Variants in SMYD3 observed in about 807,000 individuals in gnomAD.
SMYD3 encodes the protein SET and MYND domain containing 3, also known as histone-lysine N-methyltransferase SMYD3.
In SMYD3, 36 loss-of-function variants were observed where a neutral mutation model predicts 57.7. That is an observed-to-expected ratio of 0.62 (90% CI 0.48 to 0.82). The LOEUF is 0.82. Ranked by LOEUF, SMYD3 falls within the 40% of genes least tolerant of loss-of-function variation. SMYD3 has a pLI of 0.00. For synonymous variants in SMYD3, 211 were observed against 195.0 expected (o/e 1.08, Z -0.68); for missense variants, 515 against 538.8 (o/e 0.96, Z 0.44).
intron 8 of SMYD3, among the ~76,000 whole-genome samples, chr1:245,875,378 A>T (rs1366525770): frequency 6.6e-6 from 1 of 152,212 alleles, no homozygotes; most frequent in East Asian, 1.9e-4. Context: ...CACTCAGAAC[A>T]TGCTGGAAAT....
chr1:245,974,228 A>T (rs1465511217), intron 5 of SMYD3, among the ~76,000 whole-genome samples: 1 of 152,160 alleles, frequency 6.6e-6, no homozygotes, highest in African/African-American at 2.4e-5. Flanking sequence ...CATTTTTCAA[A>T]TTTAATATGA....
At chr1:246,224,460 A>G (rs1056197991) in intron 5 of SMYD3, among the ~76,000 whole-genome samples, 4 of 152,094 alleles carry the variant, frequency 2.6e-5, no homozygotes, top group African/African-American at 7.3e-5. Context: ...TCAGAGAGGA[A>G]ACCCAGGGGC....
intron 5 of SMYD3, among the ~76,000 whole-genome samples, chr1:246,146,420 G>A (rs2061843298): frequency 6.6e-6 from 1 of 152,208 alleles, no homozygotes; most frequent in African/African-American, 2.4e-5. Context: ...GCACATGTGA[G>A]TTAACGACAA....
intron 5 of SMYD3, among the ~76,000 whole-genome samples, chr1:246,283,314 G>C (rs1190471729): frequency 6.6e-6 from 1 of 152,110 alleles, no homozygotes; most frequent in Non-Finnish European, 1.5e-5. Context: ...ATTTTACCTG[G>C]AACCTATGTG....
intron 6 of SMYD3, among the ~76,000 whole-genome samples, chr1:245,928,629 G>A (rs1284564298): frequency 6.6e-6 from 1 of 151,802 alleles, no homozygotes; most frequent in Non-Finnish European, 1.5e-5. Flanking sequence ...AGCCGAGATC[G>A]CACCACTGCA....
chr1:246,012,745 C>A (rs2059306234), intron 5 of SMYD3, among the ~76,000 whole-genome samples: 1 of 152,176 alleles, frequency 6.6e-6, no homozygotes, highest in South Asian at 2.1e-4. Flanking sequence ...GGAAAATCGA[C>A]TCCATCACAT....
intron 5 of SMYD3, among the ~76,000 whole-genome samples, chr1:246,290,669 A>T (rs867870924): frequency 3.9e-5 from 6 of 152,214 alleles, no homozygotes; most frequent in South Asian, 2.1e-4. Flanking sequence ...AGGCAGAAGG[A>T]ATAAAAGCAC....
intron 5 of SMYD3, among the ~76,000 whole-genome samples, chr1:246,313,081 A>AT (rs146527911): frequency 0.013 from 1,979 of 151,974 alleles, 51 homozygotes; most frequent in African/African-American, 0.045. Flanking sequence ...CAATTTTTGT[A>AT]TTTTTTGTAG....
chr1:246,046,088 C>T (rs147506532), intron 5 of SMYD3, among the ~76,000 whole-genome samples: 4,725 of 152,222 alleles, frequency 0.031, 260 homozygotes, highest in African/African-American at 0.11. Flanking sequence ...GGATCTAGAA[C>T]TAGAAATACC....
intron 5 of SMYD3, among the ~76,000 whole-genome samples, chr1:246,137,984 T>C (rs1021960737): frequency 1.3e-5 from 2 of 152,142 alleles, no homozygotes; most frequent in Non-Finnish European, 2.9e-5. Flanking sequence ...TTGTATGTCA[T>C]CCCCCATTAC....
At chr1:246,041,552 G>A (rs2059873171) in intron 5 of SMYD3, among the ~76,000 whole-genome samples, 1 of 152,196 alleles carries the variant, frequency 6.6e-6, no homozygotes, top group African/African-American at 2.4e-5. Flanking sequence ...GTATCCCAGT[G>A]TTGCCAGGGC....
chr1:246,458,549 C>G (rs1160737544), intron 1 of SMYD3, among the ~76,000 whole-genome samples: 1 of 148,652 alleles, frequency 6.7e-6, no homozygotes, highest in African/African-American at 2.5e-5. Flanking sequence ...CAGGTTCACA[C>G]CATTCTCCTG....
chr1:245,995,378 G>T (rs2058906895), intron 5 of SMYD3, among the ~76,000 whole-genome samples: 1 of 152,212 alleles, frequency 6.6e-6, no homozygotes. Context: ...CAAGTATTTA[G>T]CCTAAGTCTG....
At chr1:246,241,260 C>T (rs1474795354) in intron 5 of SMYD3, among the ~76,000 whole-genome samples, 7 of 152,116 alleles carry the variant, frequency 4.6e-5, no homozygotes, top group South Asian at 4.2e-4. Flanking sequence ...TTTAGAGATA[C>T]GTCACATCAA....
At chr1:245,927,625 T>A in intron 7 of SMYD3, among the ~76,000 whole-genome samples, 1 of 152,162 alleles carries the variant, frequency 6.6e-6, no homozygotes, top group East Asian at 1.9e-4. Context: ...ATTTCATGAA[T>A]TCCCTGTGTG....
chr1:246,465,180 G>A (rs2067862878), intron 1 of SMYD3, among the ~76,000 whole-genome samples: 1 of 152,150 alleles, frequency 6.6e-6, no homozygotes, highest in South Asian at 2.1e-4. Flanking sequence ...CTTCAAGATG[G>A]TAATTAATAA....
intron 5 of SMYD3, among the ~76,000 whole-genome samples, chr1:246,261,870 A>G (rs1262693292): frequency 6.6e-6 from 1 of 152,230 alleles, no homozygotes; most frequent in African/African-American, 2.4e-5. Context: ...CTTGTCACTC[A>G]GCTTTATTTC....
In SMYD3 at chr1:245,976,952, TA is replaced by T. The variant is rs2058448966; in HGVS notation, c.532-47016del. ...CTAGCCTAGGGAAAGCCATCGTCTCTAGCCTAGGGAAAGCCATCGTCTCCGG... is the reference window on the plus strand; with the variant it reads ...CTAGCCTAGGGAAAGCCATCGTCTCTGCCTAGGGAAAGCCATCGTCTCCGG... On this transcript the variant is annotated intron_variant, in intron 5 of 11. Transcript: ENST00000490107. 9.2e-4 allele frequency among the ~76,000 whole-genome samples: 24 copies of T among 25,962 alleles called. 9 individuals are homozygous for T. The highest frequency in any genetic ancestry group is 7.9e-3 in the Admixed American group (23 of 2,924). The allele number at this position is 25,962 out of a possible 152,430, so 17.0% of individuals were successfully genotyped here. A position where few individuals can be genotyped will look rare whatever the true frequency, so the allele number is the denominator to read the frequency against.
Position 246,067,943 on chromosome 1 carries a change from G to A in SMYD3, c.532-138006C>T, listed in dbSNP as rs1022368031. Among the ~76,000 whole-genome samples, 5 of 152,176 alleles carry A rather than the reference G, an allele frequency of 3.3e-5. 1 individual carries two copies. The highest frequency in any genetic ancestry group is 6.5e-5 in the Admixed American group (1 of 15,280). Reference sequence around the variant, plus strand: ...ACTGAGTAGCTGCTGCAGGAAGGGGGACAAATGGTCCTCAGCAAGACCCTC... The same window carrying A: ...ACTGAGTAGCTGCTGCAGGAAGGGGAACAAATGGTCCTCAGCAAGACCCTC... On this transcript the variant is annotated intron_variant, in intron 5 of 11. Transcript: ENST00000490107.
Sources: gnomAD v4.1 joint callset for allele counts (sites outside exome capture counted in the v4.1 genomes callset) on GRCh38, gnomAD v4.1.1 for gene constraint, MANE v1.5 for transcripts, NCBI Gene and HGNC (gene_info 2026-07-23, HGNC 2026-07-21) for gene names.